Variants in PIGX observed in about 807,000 individuals in gnomAD.
PIGX encodes GPI alpha-1,4-mannosyltransferase I, stabilizing subunit.
A neutral mutation model predicts 28.7 loss-of-function variants in PIGX; 24 were observed. That is an observed-to-expected ratio of 0.84 (90% confidence interval 0.60 to 1.17). PIGX has a LOEUF of 1.17. Among genes scored for constraint, PIGX ranks in the 50% most tolerant of loss-of-function variants. The pLI is 0.00. For missense variants in PIGX, 305 were observed against 317.8 expected, an observed-to-expected ratio of 0.96 and a Z score of 0.31; for synonymous variants, 127 against 121.0, an observed-to-expected ratio of 1.05 and a Z score of -0.33.
rs917053246 is a variant in PIGX at position 196,734,059 on chromosome 3, C to A, written c.*157C>A. 6.8e-6 allele frequency: 4 copies of A among 586,472 alleles called. No homozygotes were observed. In the South Asian group the frequency reaches 8.8e-5, roughly 13 times the overall value. 36.3% of individuals were successfully genotyped at this position (586,472 alleles called of 1,614,324 possible). A position where few individuals can be genotyped will look rare whatever the true frequency, so the allele number is the denominator to read the frequency against. ...AATTTGGGATCATTCTCAGCTAATT[C>A]CAAAATGTAGTGCTCTATTGCATGG... On this transcript the variant is annotated 3_prime_UTR_variant, in exon 6 of 6. Transcript: ENST00000392391.
At position 196,726,673 on chromosome 3, in the gene PIGX, C is replaced by T. The variant is rs993530959; in HGVS notation, c.319-1250C>T. On this transcript the variant is annotated intron_variant, in intron 3 of 5. Coordinates refer to ENST00000392391, the MANE Select transcript of PIGX (RefSeq NM_017861.4). ...TTGTCAGGAGAAGACTTCATGGCGG[C>T]GGCTATGGTTGCCTTCTGATAATTG... 2.8e-5 allele frequency: 13 copies of T among 456,234 alleles called. 1 individual carries two copies. The highest frequency in any genetic ancestry group is 2.8e-4 in the East Asian group (4 of 14,386). The allele number at this position is 456,234 out of a possible 1,614,324, so 28.3% of individuals were successfully genotyped here. A position where few individuals can be genotyped will look rare whatever the true frequency, so the allele number is the denominator to read the frequency against.
At chr3:196,714,623 G>A (rs564451128) in intron 1 of PIGX, among the ~76,000 whole-genome samples, 2 of 152,064 alleles carry the variant, frequency 1.3e-5, no homozygotes, top group Non-Finnish European at 2.9e-5. Context: ...CACGACGCCC[G>A]GCTAATTTTT....
At chr3:196,717,300 C>CAAAAAAAACAAAAAAAAA (rs55850813) in intron 2 of PIGX, among the ~76,000 whole-genome samples, 1 of 120,906 alleles carries the variant, frequency 8.3e-6, no homozygotes, top group Non-Finnish European at 1.7e-5. Context: ...GACTCTGTCT[C>CAAAAAAAACAAAAAAAAA]AAAAAAAGAA....
intron 1 of PIGX, among the ~76,000 whole-genome samples, chr3:196,715,912 G>A (rs1361497504): frequency 6.6e-6 from 1 of 152,192 alleles, no homozygotes; most frequent in Non-Finnish European, 1.5e-5. Flanking sequence ...CAGATTTACA[G>A]CTTTTGAAAT....
intron 4 of PIGX, among the ~76,000 whole-genome samples, chr3:196,729,851 G>T (rs1342853603): frequency 1.1e-4 from 16 of 151,272 alleles, no homozygotes; most frequent in Admixed American, 8.6e-4. Flanking sequence ...AGGCGGATCA[G>T]TTGAGGTCAG....
At chr3:196,713,002 C>T (rs757578510) in intron 1 of PIGX, 3 of 991,640 alleles carry the variant, frequency 3.0e-6, no homozygotes, top group Admixed American at 6.1e-5. Context: ...CCCTGTGAGG[C>T]CTGAGAATCC....
chr3:196,729,188 C>T (rs2108686812), intron 4 of PIGX, among the ~76,000 whole-genome samples: 1 of 151,922 alleles, frequency 6.6e-6, no homozygotes, highest in Non-Finnish European at 1.5e-5. Flanking sequence ...AAAAAATTAG[C>T]TGGGAGAGGT....
chr3:196,721,060 C>T lies in PIGX; in HGVS notation c.177-1355C>T, dbSNP rs184032907. On this transcript the variant is annotated intron_variant, in intron 2 of 5. Transcript: ENST00000392391. Reference sequence around the variant, plus strand: ...TTGATGTGATTTTCTTTGTATTTATCCTGCTTAGGGTTGGTTGGCTTCTTG... The same window carrying T: ...TTGATGTGATTTTCTTTGTATTTATTCTGCTTAGGGTTGGTTGGCTTCTTG... 2.5e-3 allele frequency: 521 copies of T among 211,186 alleles called. 2 individuals carry two copies. Among genetic ancestry groups the T allele is most frequent in the Non-Finnish European group, 4.0e-3 (416 of 104,468 alleles). The allele number at this position is 211,186 out of a possible 1,614,324, so 13.1% of individuals were successfully genotyped here. A position where few individuals can be genotyped will look rare whatever the true frequency, so the allele number is the denominator to read the frequency against.
intron 2 of PIGX, among the ~76,000 whole-genome samples, chr3:196,719,728 G>T (rs562055551): frequency 7.9e-5 from 12 of 151,572 alleles, no homozygotes; most frequent in African/African-American, 2.9e-4. Context: ...TTTTCTTTAA[G>T]CAGTCACTTT....
intron 2 of PIGX, among the ~76,000 whole-genome samples, chr3:196,717,656 A>G (rs1712155108): frequency 6.6e-6 from 1 of 152,166 alleles, no homozygotes; most frequent in Admixed American, 6.5e-5. Context: ...ATTTTTTCTT[A>G]TTTTTCAGAT....
intron 1 of PIGX, among the ~76,000 whole-genome samples, chr3:196,713,517 A>G (rs1159805081): frequency 6.6e-6 from 1 of 151,870 alleles, no homozygotes; most frequent in Non-Finnish European, 1.5e-5. Flanking sequence ...GTATTGGTCA[A>G]GCTGGTCTTG....
chr3:196,724,763 C>T (rs1430302516), intron 3 of PIGX, among the ~76,000 whole-genome samples: 2 of 152,218 alleles, frequency 1.3e-5, no homozygotes, highest in African/African-American at 4.8e-5. Context: ...CATATTCCTT[C>T]TGCCTAGTTG....
At chr3:196,714,295 C>T (rs1711992409) in intron 1 of PIGX, among the ~76,000 whole-genome samples, 3 of 152,082 alleles carry the variant, frequency 2.0e-5, no homozygotes, top group South Asian at 4.1e-4. Context: ...AAGACCCTGT[C>T]TCTGCAAAAA....
intron 4 of PIGX, among the ~76,000 whole-genome samples, chr3:196,730,648 T>C (rs1712710832): frequency 6.8e-6 from 1 of 147,884 alleles, no homozygotes. Context: ...CTCTGGAGGC[T>C]GAGGCAGGAG....
intron 2 of PIGX, among the ~76,000 whole-genome samples, chr3:196,719,742 C>A (rs555623531): frequency 6.6e-6 from 1 of 151,982 alleles, no homozygotes; most frequent in Non-Finnish European, 1.5e-5. Flanking sequence ...TCACTTTTCA[C>A]ATTATTTATT....
intron 1 of PIGX, chr3:196,713,200 T>C (rs1035821726): frequency 3.6e-6 from 2 of 557,460 alleles, no homozygotes; most frequent in Admixed American, 1.3e-4. Flanking sequence ...CTGTCATCCT[T>C]GGTATCATTT....
intron 3 of PIGX, among the ~76,000 whole-genome samples, chr3:196,725,372 G>C (rs1486196023): frequency 6.6e-6 from 1 of 152,150 alleles, no homozygotes; most frequent in African/African-American, 2.4e-5. Flanking sequence ...AGGCAATGAA[G>C]GGCAGAGATA....
At chr3:196,732,288 A>ATTATT in intron 5 of PIGX, among the ~76,000 whole-genome samples, 1 of 45,296 alleles carries the variant, frequency 2.2e-5, no homozygotes, top group Admixed American at 2.9e-4. Flanking sequence ...TTTTTATTTT[A>ATTATT]TTTTTTTTTT....
At chr3:196,726,566 A>G (rs1577676853) in intron 3 of PIGX, 2 of 426,882 alleles carry the variant, frequency 4.7e-6, no homozygotes, top group Non-Finnish European at 9.3e-6. Flanking sequence ...CCTGTACTCT[A>G]TGAGTACTTC....
Sources: allele counts gnomAD v4.1 joint callset (sites outside exome capture counted in the v4.1 genomes callset), GRCh38; gene constraint gnomAD v4.1.1; transcripts MANE v1.5; gene names NCBI Gene and HGNC (gene_info 2026-07-23, HGNC 2026-07-21).